NSD1: variants seen among roughly 807,000 people sequenced by gnomAD.
NSD1 encodes the protein histone-lysine N-methyltransferase, H3 lysine-36 specific.
Under a neutral mutation model 242.7 loss-of-function variants are expected in NSD1, and 26 were observed. The observed-to-expected ratio is 0.11, with a 90% CI of 0.08 to 0.15. NSD1 has a LOEUF of 0.15. Among genes scored for constraint, NSD1 ranks in the 10% least tolerant of loss-of-function variants. NSD1 has a pLI of 1.00. For missense variants in NSD1, 2,495 were observed against 3,272.8 expected (o/e 0.76, Z 5.80); for synonymous variants, 1,106 against 1,178.1 (o/e 0.94, Z 1.25).
chr5:177,244,471 T>C (rs991174659), intron 9 of NSD1, among the ~76,000 whole-genome samples: 1 of 152,238 alleles, frequency 6.6e-6, no homozygotes, highest in East Asian at 1.9e-4. Context: ...TTAGTAGGAA[T>C]GCTACCTGTA....
intron 5 of NSD1, among the ~76,000 whole-genome samples, chr5:177,226,705 A>C (rs1042971585): frequency 6.6e-6 from 1 of 152,254 alleles, no homozygotes; most frequent in East Asian, 1.9e-4. Context: ...ATATGTTCCT[A>C]CTAACAGTAC....
intron 3 of NSD1, among the ~76,000 whole-genome samples, chr5:177,197,388 C>T (rs967176798): frequency 1.3e-5 from 2 of 152,144 alleles, no homozygotes; most frequent in African/African-American, 4.8e-5. Context: ...TTCGGGAGGC[C>T]GAGGCAGGCG....
At chr5:177,157,417 G>T (rs906979107) in intron 2 of NSD1, among the ~76,000 whole-genome samples, 2 of 151,732 alleles carry the variant, frequency 1.3e-5, no homozygotes, top group African/African-American at 4.8e-5. Flanking sequence ...ACCCTCTTTG[G>T]CCAGGCGCAG....
chr5:177,274,540 C>G (rs1758200498), intron 17 of NSD1, among the ~76,000 whole-genome samples: 2 of 152,124 alleles, frequency 1.3e-5, no homozygotes, highest in Middle Eastern at 3.2e-3. Context: ...TTGCGATGCT[C>G]AAATATCATA....
chr5:177,253,773 C>T (rs1756197563), intron 12 of NSD1, among the ~76,000 whole-genome samples: 1 of 152,142 alleles, frequency 6.6e-6, no homozygotes, highest in South Asian at 2.1e-4. Flanking sequence ...GCTGGGACTA[C>T]AGGTGCTTGC....
chr5:177,188,442 T>C (rs1044841728), intron 2 of NSD1, among the ~76,000 whole-genome samples: 5 of 152,216 alleles, frequency 3.3e-5, no homozygotes, highest in African/African-American at 1.2e-4. Context: ...TATTTGGTCA[T>C]GTAAATTTTT....
At chr5:177,224,602 T>C (rs980806202) in intron 5 of NSD1, among the ~76,000 whole-genome samples, 1 of 151,420 alleles carries the variant, frequency 6.6e-6, no homozygotes, top group Non-Finnish European at 1.5e-5. Flanking sequence ...AGTAATAGTA[T>C]TTTTTTATGA....
chr5:177,200,322 C>T (rs993483403), intron 3 of NSD1, among the ~76,000 whole-genome samples: 3 of 151,814 alleles, frequency 2.0e-5, no homozygotes, highest in South Asian at 2.1e-4. Context: ...TTGGCCAGGC[C>T]GTTCTTGAAC....
intron 2 of NSD1, among the ~76,000 whole-genome samples, chr5:177,154,354 G>T (rs190414766): frequency 1.6e-4 from 24 of 152,248 alleles, no homozygotes; most frequent in Admixed American, 1.6e-3. Flanking sequence ...TTGGAATCTG[G>T]CTACCATATC....
At chr5:177,291,857 C>T (rs1759859932) in intron 21 of NSD1, 97 bp from the exon 22 acceptor site, 1 of 1,119,688 alleles carries the variant, frequency 8.9e-7, no homozygotes, top group Non-Finnish European at 1.3e-6. Flanking sequence ...TCTCTTTTCC[C>T]AGAGAAGAGA....
At chr5:177,146,968 C>G (rs1230633313) in intron 2 of NSD1, among the ~76,000 whole-genome samples, 1 of 151,076 alleles carries the variant, frequency 6.6e-6, no homozygotes. Context: ...GATCGCGCCG[C>G]TGCACTCTAG....
Position 177,136,063 on chromosome 5 carries a change from C to T in NSD1, c.927+33C>T, listed in dbSNP as rs760737674. The T allele has an allele frequency of 1.2e-5, 18 of 1,547,246 alleles. No individual in the cohort carries two copies. In the East Asian group the frequency reaches 3.6e-4, roughly 31 times the overall value. ...GTTTTTGGTACAACTTAAATATATA[C>T]ATATATGTATATATACAGGCCACTT... On this transcript the variant is annotated intron_variant, in intron 2 of 22. Transcript: ENST00000439151.
chr5:177,146,874 G>T (rs1757291437), intron 2 of NSD1, among the ~76,000 whole-genome samples: 1 of 151,856 alleles, frequency 6.6e-6, no homozygotes, highest in Non-Finnish European at 1.5e-5. Flanking sequence ...GGATATGGTG[G>T]GTCATGCCTG....
chr5:177,235,322 G>A (rs1417224300), intron 5 of NSD1, among the ~76,000 whole-genome samples: 1 of 152,128 alleles, frequency 6.6e-6, no homozygotes, highest in East Asian at 1.9e-4. Context: ...AATGAGTTTG[G>A]TATTTCAATT....
In NSD1 at chr5:177,141,319, C is replaced by CTTTTT. The variant is rs567992731; in HGVS notation, c.927+5314_927+5318dup. ...ACAGGCGTGAGCCACCGCGCGCAGC[C>CTTTTT]TTTTTTTTTTTTTTTTTTTTTTTTT... On this transcript the variant is annotated intron_variant, in intron 2 of 22. Coordinates refer to ENST00000439151, the MANE Select transcript of NSD1 (RefSeq NM_022455.5). Among the ~76,000 whole-genome samples the CTTTTT allele has an allele frequency of 1.0e-4, 10 of 97,034 alleles. 1 individual carries two copies. Among genetic ancestry groups the CTTTTT allele is most frequent in the African/African-American group, 5.9e-4 (10 of 17,010 alleles). 63.7% of individuals were successfully genotyped at this position (97,034 alleles called of 152,430 possible).
intron 17 of NSD1, among the ~76,000 whole-genome samples, chr5:177,278,631 T>C (rs1462839376): frequency 6.6e-6 from 1 of 152,242 alleles, no homozygotes; most frequent in African/African-American, 2.4e-5. Context: ...AAGGGCATTA[T>C]ATAAGAAAGG....
intron 5 of NSD1, among the ~76,000 whole-genome samples, chr5:177,228,705 T>C (rs1330960984): frequency 6.6e-6 from 1 of 152,192 alleles, no homozygotes; most frequent in African/African-American, 2.4e-5. Flanking sequence ...AAATTCACCA[T>C]TTTAATGAAA....
chr5:177,244,415 A>C (rs1562251311), intron 9 of NSD1, 145 bp downstream of exon 9: 1 of 667,666 alleles, frequency 1.5e-6, no homozygotes, highest in Non-Finnish European at 2.7e-6. Flanking sequence ...TGCTTCCTGA[A>C]AAAGAAAAAA....
At chr5:177,240,628 G>A (rs544519580) in intron 8 of NSD1, among the ~76,000 whole-genome samples, 1 of 152,166 alleles carries the variant, frequency 6.6e-6, no homozygotes, top group Admixed American at 6.5e-5. Context: ...CAGGAGAATG[G>A]TGTGAACCCA....
Sources: allele counts gnomAD v4.1 joint callset (sites outside exome capture counted in the v4.1 genomes callset), GRCh38; gene constraint gnomAD v4.1.1; transcripts MANE v1.5; gene names NCBI Gene and HGNC (gene_info 2026-07-23, HGNC 2026-07-21).